The following SV2C variants were observed in gnomAD, a reference collection of about 807,000 sequenced individuals.
SV2C encodes the protein synaptic vesicle glycoprotein 2C, also known as solute carrier family 22 member B3.
SV2C carries 49 observed loss-of-function variants against 79.7 expected under a neutral mutation model. The observed-to-expected ratio is 0.61, with a 90% CI of 0.49 to 0.78. The LOEUF (loss-of-function observed/expected upper bound fraction) is 0.78. SV2C is among the 30% of genes least tolerant of loss of function. The probability of loss-of-function intolerance (pLI) is 0.00; values close to 1 mark genes in which losing one functional copy is unlikely to be tolerated. For missense variants in SV2C, 833 were observed against 912.9 expected (o/e 0.91, Z 1.13); for synonymous variants, 334 against 333.2 (o/e 1.00, Z -0.03).
chr5:76,184,896 T>C (rs1212527664), intron 2 of SV2C, among the ~76,000 whole-genome samples: 1 of 152,164 alleles, frequency 6.6e-6, no homozygotes, highest in Non-Finnish European at 1.5e-5. Context: ...TCTTAATTCA[T>C]TTCAGCATTA....
chr5:76,268,040 C>T (rs138836708), intron 4 of SV2C, among the ~76,000 whole-genome samples: 9 of 152,254 alleles, frequency 5.9e-5, no homozygotes, highest in African/African-American at 1.7e-4. Flanking sequence ...ATATCCTCCT[C>T]GTGATTCTTA....
the SV2C span, among the ~76,000 whole-genome samples, chr5:75,915,274 A>T: frequency 6.6e-6 from 1 of 152,212 alleles, no homozygotes; most frequent in African/African-American, 2.4e-5. Context: ...ACCCACATCT[A>T]TTTGGTGCCT....
chr5:75,959,741 A>G, the SV2C span, among the ~76,000 whole-genome samples: 6 of 152,126 alleles, frequency 3.9e-5, no homozygotes, highest in African/African-American at 1.4e-4. Flanking sequence ...CATTGCTCAC[A>G]TATTCATTCC....
the SV2C span, among the ~76,000 whole-genome samples, chr5:76,030,276 T>TG: frequency 2.7e-5 from 3 of 112,172 alleles, no homozygotes; most frequent in East Asian, 4.1e-4. Flanking sequence ...GTTTTTTTTT[T>TG]TTTTTTTTTT....
At chr5:76,277,755 C>CAAAAA (rs35556822) in intron 4 of SV2C, among the ~76,000 whole-genome samples, 1 of 108,322 alleles carries the variant, frequency 9.2e-6, no homozygotes, top group African/African-American at 3.3e-5. Context: ...AGACCTGTCT[C>CAAAAA]AAAAAAAAAA....
At chr5:75,997,990 A>C in the SV2C span, among the ~76,000 whole-genome samples, 3 of 152,176 alleles carry the variant, frequency 2.0e-5, no homozygotes, top group Non-Finnish European at 2.9e-5. Context: ...GTACATATAC[A>C]CCATGGAATA....
intron 4 of SV2C, among the ~76,000 whole-genome samples, chr5:76,243,012 T>TAAAACAAAAAAAAAAAAAAAAAAAAAAA (rs1745836012): frequency 2.0e-5 from 1 of 49,926 alleles, no homozygotes; most frequent in African/African-American, 7.5e-5. Flanking sequence ...AGACCCCATC[T>TAAAACAAAAAAAAAAAAAAAAAAAAAAA]AAAAAAAAAA....
chr5:75,933,198 A>AC, the SV2C span, among the ~76,000 whole-genome samples: 1 of 152,204 alleles, frequency 6.6e-6, no homozygotes, highest in African/African-American at 2.4e-5. Context: ...CCGCATCATC[A>AC]CCAACCTAAG....
the SV2C span, among the ~76,000 whole-genome samples, chr5:75,959,009 A>G: frequency 3.9e-5 from 6 of 152,108 alleles, no homozygotes; most frequent in African/African-American, 1.4e-4. Context: ...TTAAGACCTC[A>G]TGCTAAAACT....
At chr5:76,117,955 A>G (rs1413844591) in intron 1 of SV2C, among the ~76,000 whole-genome samples, 1 of 152,238 alleles carries the variant, frequency 6.6e-6, no homozygotes, top group Non-Finnish European at 1.5e-5. Context: ...ACAATTTACA[A>G]CATATATGAC....
chr5:76,104,346 C>A (rs1747835494), intron 1 of SV2C, among the ~76,000 whole-genome samples: 1 of 152,180 alleles, frequency 6.6e-6, no homozygotes. Context: ...ATTCAGGGGA[C>A]AATTCACAGT....
the SV2C span, among the ~76,000 whole-genome samples, chr5:76,054,182 C>G: frequency 6.6e-6 from 1 of 152,054 alleles, no homozygotes; most frequent in Non-Finnish European, 1.5e-5. Flanking sequence ...TGTGATGTTC[C>G]CCTGCCTGTA....
chr5:76,022,662 G>A, the SV2C span, among the ~76,000 whole-genome samples: 5,907 of 152,214 alleles, frequency 0.039, 383 homozygotes, highest in African/African-American at 0.13. Context: ...GTCTGCACCC[G>A]AAAATTCCCT....
chr5:76,139,648 G>A (rs1749186813), intron 2 of SV2C, among the ~76,000 whole-genome samples: 1 of 152,108 alleles, frequency 6.6e-6, no homozygotes, highest in Admixed American at 6.6e-5. Context: ...AGACCTACTT[G>A]GGTGTTCACC....
At chr5:76,344,958 A>C (rs1298719927) in intron 12 of SV2C, among the ~76,000 whole-genome samples, 4 of 152,208 alleles carry the variant, frequency 2.6e-5, no homozygotes, top group Non-Finnish European at 5.9e-5. Flanking sequence ...GGCACAATTC[A>C]ACCCTAAGTT....
the SV2C span, among the ~76,000 whole-genome samples, chr5:75,887,896 C>A: frequency 4.9e-4 from 74 of 152,230 alleles, 1 homozygote; most frequent in African/African-American, 1.7e-3. Flanking sequence ...TTAAAATACC[C>A]CTTTGAAATA....
chr5:76,223,291 G>A (rs1745125562), intron 4 of SV2C, among the ~76,000 whole-genome samples: 1 of 151,320 alleles, frequency 6.6e-6, no homozygotes, highest in South Asian at 2.1e-4. Flanking sequence ...AGCTGGGCAT[G>A]GTGGCACACA....
chr5:76,002,287 T>A, the SV2C span, among the ~76,000 whole-genome samples: 1 of 152,178 alleles, frequency 6.6e-6, no homozygotes, highest in Non-Finnish European at 1.5e-5. Flanking sequence ...TGTGTGCATG[T>A]GTCTTTTTCA....
chr5:76,131,999 T>C lies in SV2C; in HGVS notation c.249T>C (p.Asp83=). ...EGSSEATEGH[D]EDDEIYEGEY... The stretch of plus-strand genomic sequence containing the variant: ...CAAGTGAAGCCACTGAGGGGCATGA[T>C]GAAGATGATGAGATCTATGAGGGGG... Residue 83 remains aspartate, a synonymous_variant, in exon 2 of 13, where the codon GAT becomes GAC. Transcript: ENST00000502798. 1 of 1,613,546 alleles carries C rather than the reference T, an allele frequency of 6.2e-7. No individual in the cohort carries two copies. The highest frequency in any genetic ancestry group is 8.5e-7 in the Non-Finnish European group (1 of 1,179,778).
Sources: allele counts gnomAD v4.1 joint callset (sites outside exome capture counted in the v4.1 genomes callset), GRCh38; gene constraint gnomAD v4.1.1; transcripts MANE v1.5; gene names NCBI Gene and HGNC (gene_info 2026-07-23, HGNC 2026-07-21).